NTM: variants seen among roughly 807,000 people sequenced by gnomAD.
The protein encoded by NTM is neurotrimin.
A neutral mutation model predicts 42.1 loss-of-function variants in NTM; 13 were observed. The ratio of observed to expected loss-of-function variants is 0.31; its 90% confidence interval spans 0.20 to 0.49. The LOEUF is 0.49. Ranked by LOEUF, NTM falls within the 20% of genes least tolerant of loss-of-function variation. The probability of loss-of-function intolerance (pLI) is 0.99; values close to 1 mark genes in which losing one functional copy is unlikely to be tolerated. For synonymous variants in NTM, 187 were observed against 179.2 expected (o/e 1.04, Z -0.35); for missense variants, 373 against 452.8 (o/e 0.82, Z 1.60).
At chr11:132,099,674 G>A (rs1212880607) in intron 2 of NTM, among the ~76,000 whole-genome samples, 6 of 152,102 alleles carry the variant, frequency 3.9e-5, no homozygotes, top group Admixed American at 3.3e-4. Flanking sequence ...GGACAGCTCC[G>A]AGAAGAAAAG....
intron 4 of NTM, among the ~76,000 whole-genome samples, chr11:132,293,391 G>T (rs996275963): frequency 1.3e-5 from 2 of 152,172 alleles, no homozygotes; most frequent in African/African-American, 4.8e-5. Flanking sequence ...CCATGTCCCC[G>T]CCTGAGTATG....
chr11:131,778,754 T>G (rs1425795837), intron 1 of NTM, among the ~76,000 whole-genome samples: 2 of 152,218 alleles, frequency 1.3e-5, no homozygotes, highest in East Asian at 1.9e-4. Context: ...CTAGCTCAAT[T>G]TTCCGGTTAA....
chr11:132,313,477 C>T (rs1161302195), intron 6 of NTM, among the ~76,000 whole-genome samples: 2 of 152,074 alleles, frequency 1.3e-5, no homozygotes, highest in Admixed American at 6.6e-5. Flanking sequence ...GGGTTTTTTG[C>T]CCCAAGAGTA....
chr11:132,282,737 A>G (rs559832461), intron 4 of NTM, among the ~76,000 whole-genome samples: 34 of 152,258 alleles, frequency 2.2e-4, no homozygotes, highest in Non-Finnish European at 4.6e-4. Context: ...TAAAGTGATA[A>G]ATTGAATATT....
intron 2 of NTM, among the ~76,000 whole-genome samples, chr11:132,023,781 TTGGTGGTTTTGTTGTTGG>T (rs1308206244): frequency 0.11 from 15,354 of 134,336 alleles, 831 homozygotes; most frequent in Non-Finnish European, 0.13. Flanking sequence ...TTTGTTGTTG[TTGGTGGTTTTGTTGTTGG>T]TGGTGGTGGT....
intron 2 of NTM, among the ~76,000 whole-genome samples, chr11:131,966,333 A>G (rs2062832153): frequency 6.6e-6 from 1 of 152,196 alleles, no homozygotes; most frequent in African/African-American, 2.4e-5. Context: ...AAAACCAACA[A>G]ATACACTTTC....
chr11:131,428,653 C>T (rs1233869177), intron 1 of NTM, among the ~76,000 whole-genome samples: 1 of 152,128 alleles, frequency 6.6e-6, no homozygotes, highest in Non-Finnish European at 1.5e-5. Context: ...ATACTTTAAT[C>T]TTTGTATCAT....
chr11:131,609,933 T>C (rs1343079318), intron 1 of NTM, among the ~76,000 whole-genome samples: 3 of 152,166 alleles, frequency 2.0e-5, no homozygotes, highest in Non-Finnish European at 4.4e-5. Context: ...TACCCCTTCA[T>C]CTAGTAAAGA....
chr11:132,316,165 A>ATG (rs2095424215), intron 7 of NTM, among the ~76,000 whole-genome samples: 1 of 150,670 alleles, frequency 6.6e-6, no homozygotes, highest in South Asian at 2.1e-4. Flanking sequence ...GTTGCATGAA[A>ATG]TGGTTCAGCC....
At position 132,232,285 on chromosome 11, in the gene NTM, C is replaced by T. The variant is rs531789771; in HGVS notation, c.526+20138C>T. Among the ~76,000 whole-genome samples the T allele has an allele frequency of 5.3e-5, 8 of 151,470 alleles. 1 individual carries two copies. In the South Asian group the frequency reaches 6.3e-4, roughly 12 times the overall value. On this transcript the variant is annotated intron_variant, in intron 4 of 8. Transcript: ENST00000683400. ...TTTCACCATCTGATGATATATACCACGTTGGCAAACATTAGGGGAAAAGAG... is the reference window on the plus strand; with the variant it reads ...TTTCACCATCTGATGATATATACCATGTTGGCAAACATTAGGGGAAAAGAG...
intron 2 of NTM, among the ~76,000 whole-genome samples, chr11:132,004,135 T>C (rs2070131384): frequency 6.6e-6 from 1 of 152,134 alleles, no homozygotes; most frequent in Admixed American, 6.5e-5. Flanking sequence ...AGAGAATATT[T>C]GTGTGTGTCA....
chr11:131,800,083 C>T (rs956317932), intron 1 of NTM, among the ~76,000 whole-genome samples: 1 of 152,190 alleles, frequency 6.6e-6, no homozygotes, highest in African/African-American at 2.4e-5. Flanking sequence ...CTTAGATCCC[C>T]ACACATAGTG....
intron 2 of NTM, among the ~76,000 whole-genome samples, chr11:132,024,916 G>C (rs2074954031): frequency 6.6e-6 from 1 of 152,194 alleles, no homozygotes; most frequent in Admixed American, 6.5e-5. Flanking sequence ...AGACTATGCT[G>C]TGGAAACAAA....
At chr11:131,571,273 C>T (rs933723237) in intron 1 of NTM, among the ~76,000 whole-genome samples, 9 of 152,160 alleles carry the variant, frequency 5.9e-5, no homozygotes, top group African/African-American at 1.9e-4. Context: ...GCCGGAGCTG[C>T]TCACTTGGTC....
At chr11:131,754,030 G>T (rs919574176) in intron 1 of NTM, among the ~76,000 whole-genome samples, 3 of 148,552 alleles carry the variant, frequency 2.0e-5, no homozygotes, top group Non-Finnish European at 3.0e-5. Flanking sequence ...ACTACTGCAA[G>T]GACAAAAAAC....
At chr11:131,705,780 G>T (rs1224715861) in intron 1 of NTM, among the ~76,000 whole-genome samples, 1 of 151,902 alleles carries the variant, frequency 6.6e-6, no homozygotes, top group Non-Finnish European at 1.5e-5. Context: ...ATTAAAATAG[G>T]TTTATAACTA....
At chr11:132,116,161 G>A (rs1012087843) in intron 2 of NTM, among the ~76,000 whole-genome samples, 1 of 152,204 alleles carries the variant, frequency 6.6e-6, no homozygotes, top group Admixed American at 6.5e-5. Context: ...AAGCCTACCA[G>A]GAGAGGGTGA....
chr11:131,795,620 G>C, intron 1 of NTM: 2 of 985,406 alleles, frequency 2.0e-6, no homozygotes, highest in Non-Finnish European at 2.4e-6. Flanking sequence ...GGAGACCCTT[G>C]TAGGAGCTTG....
intron 1 of NTM, among the ~76,000 whole-genome samples, chr11:131,403,015 CA>C (rs1945410430): frequency 6.6e-6 from 1 of 152,176 alleles, no homozygotes; most frequent in Non-Finnish European, 1.5e-5. Flanking sequence ...AGTCGAAATC[CA>C]ATTTAATTGC....
Sources: allele counts gnomAD v4.1 joint callset (sites outside exome capture counted in the v4.1 genomes callset), GRCh38; gene constraint gnomAD v4.1.1; transcripts MANE v1.5; gene names NCBI Gene and HGNC (gene_info 2026-07-23, HGNC 2026-07-21).